Variants in IRAG2 observed in about 807,000 individuals in gnomAD.
The protein encoded by IRAG2 is lymphoid restricted membrane protein.
In IRAG2, 45 loss-of-function variants were observed where a neutral mutation model predicts 69.9. The observed-to-expected ratio is 0.64, with a 90% CI of 0.51 to 0.83. IRAG2 has a LOEUF of 0.83. Among genes scored for constraint, IRAG2 ranks in the 40% least tolerant of loss-of-function variants. The pLI, the probability that IRAG2 is intolerant of heterozygous loss-of-function variation, is 0.00. For missense variants in IRAG2, 520 were observed against 587.0 expected (o/e 0.89, Z 1.18); for synonymous variants, 193 against 202.4 (o/e 0.95, Z 0.40).
At chr12:25,054,725 A>G (rs1026835059) in intron 1 of IRAG2, among the ~76,000 whole-genome samples, 2 of 152,182 alleles carry the variant, frequency 1.3e-5, no homozygotes, top group African/African-American at 4.8e-5. Flanking sequence ...TGTTACTTGT[A>G]TCTTTTGCTG....
intron 14 of IRAG2, among the ~76,000 whole-genome samples, chr12:25,036,046 T>A (rs1020970952): frequency 6.6e-6 from 1 of 152,228 alleles, no homozygotes; most frequent in African/African-American, 2.4e-5. Context: ...ATCTTTAGTA[T>A]CAAAGGGCTG....
chr12:25,030,847 C>T (rs1425071663), intron 10 of IRAG2, among the ~76,000 whole-genome samples: 1 of 152,160 alleles, frequency 6.6e-6, no homozygotes, highest in Non-Finnish European at 1.5e-5. Context: ...CTGGTGATGT[C>T]GTTTTAATTT....
chr12:25,087,894 G>T (rs1307982707), intron 10 of IRAG2, among the ~76,000 whole-genome samples: 9 of 152,170 alleles, frequency 5.9e-5, no homozygotes, highest in Non-Finnish European at 8.8e-5. Flanking sequence ...GGTGGAACAG[G>T]TTCCTTCAGA....
intron 10 of IRAG2, among the ~76,000 whole-genome samples, chr12:25,087,863 GA>G (rs1208295172): frequency 2.6e-5 from 4 of 152,174 alleles, no homozygotes; most frequent in Admixed American, 1.3e-4. Context: ...TTCCTTAGGA[GA>G]ATAACGCCTG....
At chr12:25,072,401 G>A (rs10743535) in intron 6 of IRAG2, among the ~76,000 whole-genome samples, 49,209 of 151,710 alleles carry the variant, frequency 0.32, 8,565 homozygotes, top group East Asian at 0.67. Flanking sequence ...CCCATTCCAG[G>A]TTTCTGCTCC....
intron 9 of IRAG2, chr12:25,030,170 A>G (rs976108216): frequency 1.1e-5 from 7 of 608,758 alleles, no homozygotes; most frequent in Admixed American, 4.4e-5. Flanking sequence ...TGAAAAGTAC[A>G]TGCATGTTAA....
At chr12:25,057,762 A>G (rs1391449349) in intron 1 of IRAG2, among the ~76,000 whole-genome samples, 1 of 152,186 alleles carries the variant, frequency 6.6e-6, no homozygotes, top group Non-Finnish European at 1.5e-5. Context: ...TCCCTTGTGC[A>G]ACTTCCCAGT....
intron 16 of IRAG2, among the ~76,000 whole-genome samples, chr12:25,046,955 G>T (rs1198341972): frequency 6.6e-6 from 1 of 152,166 alleles, no homozygotes; most frequent in East Asian, 1.9e-4. Flanking sequence ...AATTAAACCA[G>T]TATGGTATTA....
chr12:25,044,729 C>T (rs533130418), intron 16 of IRAG2, among the ~76,000 whole-genome samples: 1 of 152,030 alleles, frequency 6.6e-6, no homozygotes, highest in East Asian at 1.9e-4. Flanking sequence ...GATATCTACA[C>T]ACCCAACATT....
chr12:25,090,379 CA>C (rs56280849), intron 14 of IRAG2, among the ~76,000 whole-genome samples, 182 bp downstream of exon 14: 16,814 of 143,798 alleles, frequency 0.12, 1,235 homozygotes, highest in Admixed American at 0.16. Context: ...CCATCTCTAC[CA>C]AAAAAAAAAA....
chr12:25,087,956 T>C, intron 10 of IRAG2, 144 bp from the exon 11 acceptor site: 2 of 624,404 alleles, frequency 3.2e-6, no homozygotes, highest in South Asian at 2.0e-5. Flanking sequence ...TCCAGGAAAC[T>C]GGTCCCTGGT....
chr12:25,028,889 CAAAT>C (rs1944646478), intron 9 of IRAG2, among the ~76,000 whole-genome samples: 1 of 152,090 alleles, frequency 6.6e-6, no homozygotes, highest in African/African-American at 2.4e-5. Flanking sequence ...AATTAACTAA[CAAAT>C]AATCAGTTAA....
At chr12:25,015,089 A>G (rs369439610) in intron 3 of IRAG2, 18 of 39,712 alleles carry the variant, frequency 4.5e-4, no homozygotes, top group African/African-American at 4.3e-3. Flanking sequence ...CATAAATCTG[A>G]AAAAAAAAAA....
At chr12:25,053,334 T>C (rs1740426146) in intron 1 of IRAG2, among the ~76,000 whole-genome samples, 1 of 151,812 alleles carries the variant, frequency 6.6e-6, no homozygotes, top group Admixed American at 6.6e-5. Context: ...GCTAGTTTTT[T>C]TCCTCTCATA....
upstream of IRAG2, among the ~76,000 whole-genome samples, chr12:25,003,201 TA>T (rs140645138): frequency 0.038 from 5,845 of 152,104 alleles, 379 homozygotes; most frequent in African/African-American, 0.13. Context: ...ATTAGGGGAT[TA>T]AAAAAAAGAT....
chr12:25,036,190 CTGGTAT>C (rs1944700696), intron 14 of IRAG2, among the ~76,000 whole-genome samples: 1 of 152,184 alleles, frequency 6.6e-6, no homozygotes, highest in Non-Finnish European at 1.5e-5. Context: ...TATTTTCATA[CTGGTAT>C]TGCCAGTCCC....
At chr12:25,061,533 T>C in intron 1 of IRAG2, 59 bp from the exon 2 acceptor site, 1 of 398,272 alleles carries the variant, frequency 2.5e-6, no homozygotes, top group Non-Finnish European at 4.4e-6. Flanking sequence ...TTGAAATAAA[T>C]TCATTAATTA....
the IRAG2 span, among the ~76,000 whole-genome samples, chr12:24,998,958 C>T: frequency 6.6e-6 from 1 of 152,140 alleles, no homozygotes; most frequent in South Asian, 2.1e-4. Flanking sequence ...TCTACAGAGC[C>T]TTTTGAATCA....
intron 6 of IRAG2, among the ~76,000 whole-genome samples, chr12:25,072,183 G>A (rs774213921): frequency 1.5e-4 from 23 of 151,440 alleles, no homozygotes; most frequent in Admixed American, 4.6e-4. Flanking sequence ...CAGCTTGGGC[G>A]ACAAGAGCGA....
Sources: allele counts gnomAD v4.1 joint callset (sites outside exome capture counted in the v4.1 genomes callset), GRCh38; gene constraint gnomAD v4.1.1; transcripts MANE v1.5; gene names NCBI Gene and HGNC (gene_info 2026-07-23, HGNC 2026-07-21).